Variants in RAP1GAP2 observed in about 807,000 individuals in gnomAD.
RAP1GAP2 encodes the protein rap1 GTPase-activating protein 2.
A neutral mutation model predicts 95.0 loss-of-function variants in RAP1GAP2; 27 were observed. That is an observed-to-expected ratio of 0.28 (90% CI 0.21 to 0.39). The LOEUF is 0.39. Ranked by LOEUF, RAP1GAP2 falls within the 10% of genes least tolerant of loss-of-function variation. The probability of loss-of-function intolerance (pLI) is 1.00; values close to 1 mark genes in which losing one functional copy is unlikely to be tolerated. For synonymous variants in RAP1GAP2, 373 were observed against 380.9 expected (o/e 0.98, Z 0.24); for missense variants, 771 against 970.0 (o/e 0.79, Z 2.72).
At chr17:2,920,698 C>T (rs935331431) in intron 3 of RAP1GAP2, among the ~76,000 whole-genome samples, 2 of 152,158 alleles carry the variant, frequency 1.3e-5, no homozygotes, top group Admixed American at 6.5e-5. Context: ...CTGCAGGTGT[C>T]GAATATCGGC....
chr17:2,912,381 C>T (rs976595365), intron 3 of RAP1GAP2, among the ~76,000 whole-genome samples: 1 of 152,192 alleles, frequency 6.6e-6, no homozygotes, highest in African/African-American at 2.4e-5. Context: ...TGGTTCCTGC[C>T]TCCTGTCTTC....
chr17:2,948,264 T>C lies in RAP1GAP2; in HGVS notation c.166-9495T>C, dbSNP rs534251612. ...GGAGCAGGGATTTTAGCGAGGCTGC[T>C]GACACATAAACACACCCCCACCTCC... On this transcript the variant is annotated intron_variant, in intron 3 of 24. Transcript: ENST00000254695. 3.9e-5 allele frequency among the ~76,000 whole-genome samples: 6 copies of C among 152,276 alleles called. No homozygotes were observed. In the South Asian group the frequency reaches 1.2e-3, roughly 32 times the overall value.
At chr17:2,844,103 C>T (rs1005089272) in intron 2 of RAP1GAP2, among the ~76,000 whole-genome samples, 1 of 152,044 alleles carries the variant, frequency 6.6e-6, no homozygotes, top group African/African-American at 2.4e-5. Flanking sequence ...TCACTGCAAG[C>T]TCTGCCTCCT....
At chr17:2,779,753 C>T (rs925619944) in intron 1 of RAP1GAP2, among the ~76,000 whole-genome samples, 2 of 114,078 alleles carry the variant, frequency 1.8e-5, no homozygotes, top group African/African-American at 6.9e-5. Flanking sequence ...CGGTCATGGG[C>T]ATGGGTCTGG....
intron 3 of RAP1GAP2, among the ~76,000 whole-genome samples, chr17:2,927,217 G>T (rs12943831): frequency 6.6e-6 from 1 of 150,542 alleles, no homozygotes; most frequent in Non-Finnish European, 1.5e-5. Flanking sequence ...GCAGTGGCGC[G>T]ATCTCGGCTC....
At chr17:2,927,567 C>T (rs975190066) in intron 3 of RAP1GAP2, among the ~76,000 whole-genome samples, 2 of 152,214 alleles carry the variant, frequency 1.3e-5, no homozygotes, top group Admixed American at 1.3e-4. Flanking sequence ...GCCCCTCTTC[C>T]CATCTCAGGG....
At chr17:2,836,115 G>A (rs1042947421) in intron 2 of RAP1GAP2, among the ~76,000 whole-genome samples, 1 of 152,102 alleles carries the variant, frequency 6.6e-6, no homozygotes, top group Non-Finnish European at 1.5e-5. Flanking sequence ...TCGCCTTCGG[G>A]GGGTGCTCCC....
chr17:2,849,655 T>G (rs899120192), intron 2 of RAP1GAP2, among the ~76,000 whole-genome samples: 10 of 152,172 alleles, frequency 6.6e-5, no homozygotes, highest in African/African-American at 2.2e-4. Flanking sequence ...AAGAGAGACC[T>G]GGGCTGGCAG....
chr17:2,836,002 A>G (rs911381364), intron 2 of RAP1GAP2, among the ~76,000 whole-genome samples: 1 of 151,662 alleles, frequency 6.6e-6, no homozygotes, highest in Non-Finnish European at 1.5e-5. Context: ...CCAGCCAGCC[A>G]CTGGCGGGGT....
intron 2 of RAP1GAP2, among the ~76,000 whole-genome samples, chr17:2,852,321 C>T (rs1401440784): frequency 6.9e-6 from 1 of 145,962 alleles, no homozygotes; most frequent in African/African-American, 2.5e-5. Context: ...CCCCCACAAC[C>T]CCGGCAGGGA....
At chr17:2,987,787 G>T (rs2151554985) in intron 11 of RAP1GAP2, among the ~76,000 whole-genome samples, 1 of 152,278 alleles carries the variant, frequency 6.6e-6, no homozygotes, top group Middle Eastern at 3.4e-3. Context: ...AAATCTACCA[G>T]ATTCTGTTGC....
intron 3 of RAP1GAP2, among the ~76,000 whole-genome samples, chr17:2,955,380 G>A (rs2044070589): frequency 6.6e-6 from 1 of 152,144 alleles, no homozygotes; most frequent in South Asian, 2.1e-4. Context: ...ATGACTAATG[G>A]CTTGAGTGTC....
intron 1 of RAP1GAP2, among the ~76,000 whole-genome samples, chr17:2,790,831 C>T (rs916182059): frequency 6.6e-6 from 1 of 152,216 alleles, no homozygotes; most frequent in Non-Finnish European, 1.5e-5. Flanking sequence ...AGTGGAGGGG[C>T]TGCTGCTGAC....
At chr17:2,935,788 C>T (rs769555259) in intron 3 of RAP1GAP2, among the ~76,000 whole-genome samples, 2 of 152,306 alleles carry the variant, frequency 1.3e-5, no homozygotes, top group East Asian at 1.9e-4. Context: ...CACAGCTGGC[C>T]GGTGACCGGG....
upstream of RAP1GAP2, among the ~76,000 whole-genome samples, chr17:2,774,831 T>G (rs1003285027): frequency 9.7e-4 from 115 of 119,118 alleles, 1 homozygote; most frequent in African/African-American, 3.7e-3. Flanking sequence ...TTTTTTTTTT[T>G]TTTCCCCAAG....
chr17:2,931,279 CTTGT>C (rs2043142669), intron 3 of RAP1GAP2, among the ~76,000 whole-genome samples: 2 of 84,370 alleles, frequency 2.4e-5, no homozygotes, highest in African/African-American at 8.9e-5. Context: ...GTGAGTGTTT[CTTGT>C]GTGTGTGTGT....
intron 3 of RAP1GAP2, among the ~76,000 whole-genome samples, chr17:2,909,358 G>T (rs1208390617): frequency 1.3e-5 from 2 of 152,104 alleles, no homozygotes; most frequent in Admixed American, 6.5e-5. Flanking sequence ...ACTCAGACCA[G>T]CCCTGGGAGG....
chr17:2,971,278 C>G (rs1431748633), intron 8 of RAP1GAP2, among the ~76,000 whole-genome samples: 3 of 151,772 alleles, frequency 2.0e-5, no homozygotes, highest in Non-Finnish European at 4.4e-5. Flanking sequence ...TAAACAATCC[C>G]AATACTTTCT....
At chr17:2,880,974 A>C (rs2073262957) in intron 2 of RAP1GAP2, among the ~76,000 whole-genome samples, 1 of 151,596 alleles carries the variant, frequency 6.6e-6, no homozygotes, top group South Asian at 2.1e-4. Flanking sequence ...TAAAAATACA[A>C]AAATTAGCCA....
Sources: gnomAD v4.1 joint callset for allele counts (sites outside exome capture counted in the v4.1 genomes callset) on GRCh38, gnomAD v4.1.1 for gene constraint, MANE v1.5 for transcripts, NCBI Gene and HGNC (gene_info 2026-07-23, HGNC 2026-07-21) for gene names.